Variants in CERKL observed in about 807,000 individuals in gnomAD.
CERKL encodes CERK like autophagy regulator.
Under a neutral mutation model 63.4 loss-of-function variants are expected in CERKL, and 61 were observed. The ratio of observed to expected loss-of-function variants is 0.96; its 90% CI spans 0.78 to 1.19. CERKL has a LOEUF of 1.19. Ranked by LOEUF, CERKL falls within the 50% of genes most tolerant of loss-of-function variation. The probability of loss-of-function intolerance (pLI) is 0.00; values close to 1 mark genes in which losing one functional copy is unlikely to be tolerated. For missense variants in CERKL, 675 were observed against 655.5 expected (o/e 1.03, Z -0.33); for synonymous variants, 250 against 230.5 (o/e 1.08, Z -0.77).
Position 181,547,698 on chromosome 2 carries a change from C to G in CERKL, c.1188G>C (p.Gln396His). The G allele has an allele frequency of 6.2e-7, 1 of 1,614,064 alleles. No individual in the cohort carries two copies. Residue 396 changes from glutamine to histidine, a missense_variant, in exon 10 of 13, where the codon CAG becomes CAC. Coordinates refer to ENST00000410087, the MANE Select transcript of CERKL (RefSeq NM_201548.5). Reference sequence around the variant, plus strand: ...TAATGCTGACATTCAAGAACTGACCCTGGATCATTTGCCATTGATCATTAC... The same window carrying G: ...TAATGCTGACATTCAAGAACTGACCGTGGATCATTTGCCATTGATCATTAC... The part of the protein sequence containing the change: ...SDCNDQWQMI[Q>H]GQFLNVSIMA...
At chr2:181,599,825 G>T (rs1386941111) in intron 2 of CERKL, among the ~76,000 whole-genome samples, 3 of 152,090 alleles carry the variant, frequency 2.0e-5, no homozygotes, top group African/African-American at 7.2e-5. Flanking sequence ...TGCCAGAGAG[G>T]TTAACATCCA....
intron 1 of CERKL, among the ~76,000 whole-genome samples, chr2:181,607,289 A>C (rs1685759966): frequency 6.6e-6 from 1 of 152,228 alleles, no homozygotes; most frequent in Non-Finnish European, 1.5e-5. Flanking sequence ...AACACATTTT[A>C]GATTGCTTGT....
intron 3 of CERKL, among the ~76,000 whole-genome samples, chr2:181,566,649 A>G (rs905441655): frequency 1.3e-5 from 2 of 152,192 alleles, no homozygotes; most frequent in African/African-American, 2.4e-5. Context: ...AACACCAATT[A>G]TAAGAGACCC....
intron 1 of CERKL, among the ~76,000 whole-genome samples, chr2:181,615,010 T>C (rs974948096): frequency 6.6e-6 from 1 of 152,198 alleles, no homozygotes; most frequent in African/African-American, 2.4e-5. Context: ...AATCTACTGG[T>C]TCATTAGTAT....
intron 1 of CERKL, among the ~76,000 whole-genome samples, chr2:181,645,989 T>C (rs371896882): frequency 3.9e-4 from 59 of 152,290 alleles, no homozygotes; most frequent in African/African-American, 1.4e-3. Flanking sequence ...AGGAAGTATG[T>C]AGCAGATGGG....
Position 181,566,216 on chromosome 2 carries a change from T to C in CERKL, c.614-95A>G, listed in dbSNP as rs527795202. On this transcript the variant is annotated intron_variant, in intron 3 of 12. Transcript: ENST00000410087. Reference sequence around the variant, plus strand: ...CTGGCAAAATAATATGATAAACATATGGTCAAGTCATAAAACAGCATTTAT... The same window carrying C: ...CTGGCAAAATAATATGATAAACATACGGTCAAGTCATAAAACAGCATTTAT... 4.4e-5 allele frequency: 39 copies of C among 894,150 alleles called. No homozygotes were observed. The Middle Eastern group carries it at 1.2e-3, about 29-fold the overall frequency. The allele number at this position is 894,150 out of a possible 1,614,324, so 55.4% of individuals were successfully genotyped here.
intron 1 of CERKL, among the ~76,000 whole-genome samples, chr2:181,648,275 G>C (rs1172665755): frequency 6.6e-6 from 1 of 152,056 alleles, no homozygotes; most frequent in Non-Finnish European, 1.5e-5. Context: ...TCTAAAATCT[G>C]CAAGAGAAAA....
At chr2:181,563,411 T>A (rs1248146554) in intron 4 of CERKL, among the ~76,000 whole-genome samples, 1 of 152,216 alleles carries the variant, frequency 6.6e-6, no homozygotes, top group Non-Finnish European at 1.5e-5. Flanking sequence ...TTTGCTTTAC[T>A]AAATACTATA....
intron 1 of CERKL, among the ~76,000 whole-genome samples, chr2:181,615,940 G>A (rs983119107): frequency 6.6e-6 from 1 of 151,996 alleles, no homozygotes; most frequent in African/African-American, 2.4e-5. Context: ...AACGAAGTAG[G>A]CTTCTTATCT....
Position 181,582,533 on chromosome 2 carries a change from A to G in CERKL, c.482-8649T>C, listed in dbSNP as rs948194691. ...ATTGTCAACATATATATATATATAT[A>G]TATGTTTTTTTTTTTTGAGATGGAG... On this transcript the variant is annotated intron_variant, in intron 2 of 12. Transcript: ENST00000410087. 3.2e-4 allele frequency among the ~76,000 whole-genome samples: 42 copies of G among 130,386 alleles called. 2 individuals carry two copies. The highest frequency in any genetic ancestry group is 1.4e-3 in the South Asian group (6 of 4,344). The allele number at this position is 130,386 out of a possible 152,430, so 85.5% of individuals were successfully genotyped here. A position where few individuals can be genotyped will look rare whatever the true frequency, so the allele number is the denominator to read the frequency against.
At chr2:181,653,025 G>A (rs930922195) in intron 1 of CERKL, among the ~76,000 whole-genome samples, 2 of 152,092 alleles carry the variant, frequency 1.3e-5, no homozygotes, top group Admixed American at 6.5e-5. Flanking sequence ...TGCCCGCCTC[G>A]GCCTCCCAAA....
At chr2:181,619,548 G>A (rs562537956) in intron 1 of CERKL, among the ~76,000 whole-genome samples, 3 of 152,042 alleles carry the variant, frequency 2.0e-5, no homozygotes, top group Non-Finnish European at 2.9e-5. Context: ...TTCAAACACA[G>A]GCTAGGCTTC....
chr2:181,588,836 T>C (rs1684870316), intron 2 of CERKL, among the ~76,000 whole-genome samples: 1 of 152,208 alleles, frequency 6.6e-6, no homozygotes, highest in Admixed American at 6.5e-5. Context: ...CCCTGATTGT[T>C]AGTGATGCTG....
chr2:181,654,307 A>G (rs1297764677), intron 1 of CERKL, among the ~76,000 whole-genome samples: 2 of 152,204 alleles, frequency 1.3e-5, no homozygotes, highest in African/African-American at 4.8e-5. Context: ...AAAAAGAACT[A>G]CAATTACTAC....
At chr2:181,621,690 T>C (rs1263532209) in intron 1 of CERKL, among the ~76,000 whole-genome samples, 3 of 152,198 alleles carry the variant, frequency 2.0e-5, no homozygotes, top group South Asian at 4.1e-4. Flanking sequence ...TATTACCTGA[T>C]GAGAAAATTT....
intron 4 of CERKL, among the ~76,000 whole-genome samples, chr2:181,562,202 T>A (rs922390142): frequency 1.3e-5 from 2 of 152,286 alleles, no homozygotes; most frequent in East Asian, 3.9e-4. Flanking sequence ...ATCAACCAAC[T>A]GACAATCAGA....
At chr2:181,541,461 G>C (rs1002142779) in intron 11 of CERKL, among the ~76,000 whole-genome samples, 1 of 152,210 alleles carries the variant, frequency 6.6e-6, no homozygotes, top group African/African-American at 2.4e-5. Context: ...TGTGGTGGAG[G>C]GTGGTAATAA....
chr2:181,652,693 A>G (rs1344129842), intron 1 of CERKL, among the ~76,000 whole-genome samples: 2 of 152,218 alleles, frequency 1.3e-5, no homozygotes, highest in South Asian at 2.1e-4. Flanking sequence ...AGAATGGGAG[A>G]AAAATATTTG....
chr2:181,565,522 A>T (rs749941520), intron 4 of CERKL: 2 of 1,578,456 alleles, frequency 1.3e-6, no homozygotes, highest in East Asian at 2.2e-5. Context: ...TGTGAATAAC[A>T]TACCTAAATT....
Sources: gnomAD v4.1 joint callset for allele counts (sites outside exome capture counted in the v4.1 genomes callset) on GRCh38, gnomAD v4.1.1 for gene constraint, MANE v1.5 for transcripts, NCBI Gene and HGNC (gene_info 2026-07-23, HGNC 2026-07-21) for gene names.